Variants in TAB1 observed in about 807,000 individuals in gnomAD.
TAB1 encodes TGF-beta-activated kinase 1 and MAP3K7-binding protein 1.
Under a neutral mutation model 54.5 loss-of-function variants are expected in TAB1, and 30 were observed. That is an observed-to-expected ratio of 0.55 (90% CI 0.41 to 0.75). TAB1 has a LOEUF of 0.75. Ranked by LOEUF, TAB1 falls within the 30% of genes least tolerant of loss-of-function variation. The pLI is 0.00. For synonymous variants in TAB1, 289 were observed against 286.9 expected (o/e 1.01, Z -0.07); for missense variants, 609 against 683.2 (o/e 0.89, Z 1.21).
At chr22:39,412,527 A>C (rs773553821) in intron 1 of TAB1, among the ~76,000 whole-genome samples, 1 of 152,182 alleles carries the variant, frequency 6.6e-6, no homozygotes, top group Non-Finnish European at 1.5e-5. Context: ...CTCCATGTTA[A>C]TGTAAAAATA....
Position 39,415,064 on chromosome 22 carries a change from C to T in TAB1, c.92C>T (p.Ser31Leu). The change falls in exon 2 of 11, where the codon TCA (serine) becomes TTA (leucine). Residue 31 changes from serine (S) to leucine (L), a missense_variant. Ser to Leu is a moderately radical substitution (Grantham distance 145). Transcript: ENST00000216160. This position sits in a 1 kb window ranked among gnomAD's most constrained non-coding sequence, Gnocchi z 4.9. ...LPLCHLSGVGSASNRSYSADG... is the reference protein window; with the variant it reads ...LPLCHLSGVGLASNRSYSADG... The stretch of plus-strand genomic sequence containing the variant: ...CTCTGCCACCTCTCTGGGGTTGGCT[C>T]AGCCTCCAACCGCAGCTACTCTGCT... 1.9e-6 allele frequency: 3 copies of T among 1,613,970 alleles called. No homozygotes were observed. Among genetic ancestry groups the T allele is most frequent in the Non-Finnish European group, 2.5e-6 (3 of 1,179,870 alleles).
At chr22:39,414,941 A>T in intron 1 of TAB1, 65 bp from the exon 2 acceptor site, 1 of 1,598,754 alleles carries the variant, frequency 6.3e-7, no homozygotes, top group Non-Finnish European at 8.5e-7. Context: ...CAGAAGGAAT[A>T]GGTGAAGTGG....
At chr22:39,421,012 C>G (rs3859849) in intron 7 of TAB1, among the ~76,000 whole-genome samples, 70,247 of 139,042 alleles carry the variant, frequency 0.51, 18,755 homozygotes, top group African/African-American at 0.64. Flanking sequence ...CTGGTGTGTC[C>G]TGCCCCTCCC....
At chr22:39,433,895 C>T (rs1171431621), downstream of TAB1, 12 of 881,044 alleles carry the variant, frequency 1.4e-5, no homozygotes, top group Non-Finnish European at 1.6e-5. Flanking sequence ...CCGCCCCCTG[C>T]CCGTCTCCCT....
chr22:39,415,172 C>G lies in TAB1; in HGVS notation c.170+30C>G, dbSNP rs1182793820. 1 of 1,544,348 alleles carries G rather than the reference C, an allele frequency of 6.5e-7. No individual in the cohort carries two copies. The highest frequency in any genetic ancestry group is 1.4e-5 in the African/African-American group (1 of 72,848). On this transcript the variant is annotated intron_variant, in intron 2 of 10. Transcript: ENST00000216160. The surrounding 1 kb of genome is among the most constrained non-coding windows in gnomAD (Gnocchi z 4.9). The stretch of plus-strand genomic sequence containing the variant: ...GTGTGCCAGCATTTCTGTGTTGGGC[C>G]CGGGGAGTTGGTTGGTTTGCAAGCA...
chr22:39,414,617 A>G (rs1022667052), intron 1 of TAB1: 19 of 206,658 alleles, frequency 9.2e-5, no homozygotes, highest in Admixed American at 1.6e-4. Flanking sequence ...TTGGTAACCA[A>G]TGCTCAAGGG....
intron 1 of TAB1, among the ~76,000 whole-genome samples, chr22:39,405,547 C>T (rs560484070): frequency 6.6e-5 from 10 of 152,188 alleles, no homozygotes; most frequent in African/African-American, 7.2e-5. Context: ...GCTCCAGCGC[C>T]GCTCACGGCT....
At chr22:39,428,987 G>T (rs1927470866) in intron 10 of TAB1, 6 of 864,122 alleles carry the variant, frequency 6.9e-6, no homozygotes, top group Non-Finnish European at 8.3e-6. Context: ...AGTGCAGTAG[G>T]GGTGGCCTCT....
At chr22:39,404,577 AAG>A (rs1491502155) in intron 1 of TAB1, among the ~76,000 whole-genome samples, 1 of 152,098 alleles carries the variant, frequency 6.6e-6, no homozygotes, top group African/African-American at 2.4e-5. Flanking sequence ...AAAAAAAAAA[AAG>A]AAAGTAAGCT....
At chr22:39,420,819 T>TGTG (rs1406446293) in intron 7 of TAB1, among the ~76,000 whole-genome samples, 359 of 25,428 alleles carry the variant, frequency 0.014, 28 homozygotes, top group Middle Eastern at 0.04. Flanking sequence ...GTGTGTGTGT[T>TGTG]TGTCCTGGGG....
At position 39,431,075 on chromosome 22, in the gene TAB1, C is replaced by T; in HGVS notation, c.*853C>T. 3 of 985,674 alleles carry T rather than the reference C, an allele frequency of 3.0e-6. No individual in the cohort carries two copies. Among genetic ancestry groups the T allele is most frequent in the Non-Finnish European group, 3.6e-6 (3 of 830,126 alleles). 61.1% of individuals were successfully genotyped at this position (985,674 alleles called of 1,614,324 possible). A position where few individuals can be genotyped will look rare whatever the true frequency, so the allele number is the denominator to read the frequency against. On this transcript the variant is annotated 3_prime_UTR_variant, in exon 11 of 11. Coordinates refer to ENST00000216160, the MANE Select transcript of TAB1 (RefSeq NM_006116.3). ...GGCAGCTGAGATGAACTGTCTTTAC[C>T]ACTGATGAGGGGCCTCTGCCGGCTG... is the stretch of plus-strand genomic sequence containing the variant.
At chr22:39,424,639 G>C (rs1178718209) in intron 8 of TAB1, among the ~76,000 whole-genome samples, 1 of 151,838 alleles carries the variant, frequency 6.6e-6, no homozygotes, top group East Asian at 1.9e-4. Flanking sequence ...GTAGAGATGG[G>C]GTTTTGCCTT....
chr22:39,427,446 T>TAA (rs1323386884), intron 9 of TAB1, among the ~76,000 whole-genome samples: 1 of 152,250 alleles, frequency 6.6e-6, no homozygotes, highest in African/African-American at 2.4e-5. Flanking sequence ...TTTTGCTTTT[T>TAA]ACCTATGTCA....
At position 39,419,568 on chromosome 22, in the gene TAB1, G is replaced by A. The variant is rs369688119; in HGVS notation, c.714G>A (p.Glu238=). The stretch of plus-strand genomic sequence containing the variant: ...AGGTGGGGATCATCTGTGGGCAGGA[G>A]AGCACCCGGCGGATCGGGGATTACA... ...IKQVGIICGQ[E]STRRIGDYKV... Residue 238 remains glutamate (E), a synonymous_variant, in exon 7 of 11, where the codon GAG becomes GAA. Transcript: ENST00000216160. 2 of 1,613,372 alleles carry A rather than the reference G, an allele frequency of 1.2e-6. No homozygotes were observed. The highest frequency in any genetic ancestry group is 8.5e-7 in the Non-Finnish European group (1 of 1,179,560).
At position 39,426,774 on chromosome 22, in the gene TAB1, GGACCGGGTGAAGCGCATCCACAGC is replaced by G. The variant is rs1416700423; in HGVS notation, c.997_1020del (p.Arg333_Asp340del). On this transcript the variant is annotated inframe_deletion, in exon 9 of 11. Coordinates refer to ENST00000216160, the MANE Select transcript of TAB1 (RefSeq NM_006116.3). ...TGGACGCAGTGGCCCAGGCCGTCGTGGACCGGGTGAAGCGCATCCACAGCGACACCTTCGCCAGTGGTGGGGAGC... is the reference window on the plus strand; with the variant it reads ...TGGACGCAGTGGCCCAGGCCGTCGTGGACACCTTCGCCAGTGGTGGGGAGC... 6.2e-7 allele frequency: 1 copy of G among 1,613,948 alleles called. No individual in the cohort carries two copies. Among genetic ancestry groups the G allele is most frequent in the African/African-American group, 1.3e-5 (1 of 74,956 alleles).
chr22:39,416,949 C>A, intron 4 of TAB1, 72 bp downstream of exon 4: 1 of 1,452,842 alleles, frequency 6.9e-7, no homozygotes, highest in Non-Finnish European at 9.6e-7. Flanking sequence ...GACTCATCTA[C>A]TTTCTTGACA....
chr22:39,428,193 T>C lies in TAB1; in HGVS notation c.1307+10T>C. The C allele has an allele frequency of 6.3e-7, 1 of 1,577,988 alleles. No homozygotes were observed. The highest frequency in any genetic ancestry group is 1.1e-5 in the South Asian group (1 of 87,602). On this transcript the variant is annotated intron_variant, in intron 10 of 10. Transcript: ENST00000216160. ...CCCCCACCCTCACCAAGTAAGTCCC[T>C]TCCCCACTGAGCCACCCCCAGCCCT...
chr22:39,413,076 G>C (rs961664972), intron 1 of TAB1, among the ~76,000 whole-genome samples: 19 of 151,674 alleles, frequency 1.3e-4, no homozygotes, highest in Admixed American at 1.1e-3. Flanking sequence ...CACCACACCC[G>C]GCTAGTTTTT....
chr22:39,400,095 A>C (rs1003446104), intron 1 of TAB1, among the ~76,000 whole-genome samples: 1 of 152,080 alleles, frequency 6.6e-6, no homozygotes, highest in East Asian at 1.9e-4. Context: ...AGCGTCCTGG[A>C]GCCAGAAGGG....
Sources: allele counts gnomAD v4.1 joint callset (sites outside exome capture counted in the v4.1 genomes callset), GRCh38; gene constraint gnomAD v4.1.1; non-coding constraint Gnocchi (gnomAD v3.1); transcripts MANE v1.5; gene names NCBI Gene and HGNC (gene_info 2026-07-23, HGNC 2026-07-21).